The following NDST4 variants were observed in gnomAD, a reference collection of about 807,000 sequenced individuals.
The protein encoded by NDST4 is N-heparan sulfate sulfotransferase 4.
A neutral mutation model predicts 100.8 loss-of-function variants in NDST4; 63 were observed. That is an observed-to-expected ratio of 0.62 (90% CI 0.51 to 0.77). The LOEUF (loss-of-function observed/expected upper bound fraction) is 0.77. NDST4 is among the 30% of genes least tolerant of loss of function. The probability of loss-of-function intolerance (pLI) is 0.00; values close to 1 mark genes in which losing one functional copy is unlikely to be tolerated. For missense variants in NDST4, 943 were observed against 1,018.4 expected (o/e 0.93, Z 1.01); for synonymous variants, 377 against 361.8 (o/e 1.04, Z -0.48).
intron 10 of NDST4, among the ~76,000 whole-genome samples, chr4:114,844,778 A>G (rs1723507013): frequency 6.6e-6 from 1 of 152,212 alleles, no homozygotes; most frequent in South Asian, 2.1e-4. Flanking sequence ...GTCAATGAAC[A>G]CTTTCCTCTT....
intron 2 of NDST4, among the ~76,000 whole-genome samples, chr4:115,022,204 C>G (rs947041696): frequency 4.6e-5 from 7 of 151,572 alleles, no homozygotes; most frequent in Non-Finnish European, 1.0e-4. Context: ...ATACACGTTC[C>G]ACGTCTATGC....
In NDST4 at chr4:114,830,693, T is replaced by C. The variant is rs116296258; in HGVS notation, c.2397-801A>G. ...ACCAAATAGGAAGGGAAATTTTAAGTTCATTACTATGGGACTTGCTGCATG... is the reference window on the plus strand; with the variant it reads ...ACCAAATAGGAAGGGAAATTTTAAGCTCATTACTATGGGACTTGCTGCATG... On this transcript the variant is annotated intron_variant, in intron 12 of 13. Coordinates refer to ENST00000264363, the MANE Select transcript of NDST4 (RefSeq NM_022569.3). Among the ~76,000 whole-genome samples the C allele has an allele frequency of 9.5e-3, 1,440 of 152,340 alleles. 22 individuals are homozygous for C. Among genetic ancestry groups the C allele is most frequent in the African/African-American group, 0.033 (1,367 of 41,582 alleles).
intron 4 of NDST4, among the ~76,000 whole-genome samples, chr4:114,953,545 C>T (rs1252337331): frequency 2.6e-5 from 4 of 152,034 alleles, no homozygotes; most frequent in African/African-American, 9.7e-5. Flanking sequence ...ATCAGGAGCA[C>T]AGTGCAGTGA....
intron 2 of NDST4, among the ~76,000 whole-genome samples, chr4:115,023,916 A>G (rs987430394): frequency 1.3e-5 from 2 of 152,138 alleles, no homozygotes; most frequent in Non-Finnish European, 2.9e-5. Context: ...TGCGATGGTC[A>G]TCTGTACTCT....
At position 114,887,474 on chromosome 4, in the gene NDST4, A is replaced by C. The variant is rs1724504213; in HGVS notation, c.1537-16524T>G. Among the ~76,000 whole-genome samples the C allele has an allele frequency of 2.6e-5, 4 of 152,190 alleles. No homozygotes were observed. In the South Asian group the frequency reaches 8.3e-4, roughly 31 times the overall value. ...ATGTCTGCCTGGTCATACATCTATA[A>C]GTTTCAGTGCTGAGTTTTTGATTAA... On this transcript the variant is annotated intron_variant, in intron 6 of 13. Coordinates refer to ENST00000264363, the MANE Select transcript of NDST4 (RefSeq NM_022569.3).
At chr4:115,070,506 C>T (rs1404708178) in intron 2 of NDST4, among the ~76,000 whole-genome samples, 2 of 151,970 alleles carry the variant, frequency 1.3e-5, no homozygotes, top group African/African-American at 2.4e-5. Flanking sequence ...AATATTTCAC[C>T]ATCTTTAAAA....
chr4:114,840,832 T>C (rs370917801), intron 10 of NDST4, among the ~76,000 whole-genome samples: 3 of 152,110 alleles, frequency 2.0e-5, no homozygotes, highest in East Asian at 3.8e-4. Context: ...GAGTTAGAAA[T>C]AAAAATAACT....
At chr4:114,975,022 G>A (rs955617040) in intron 3 of NDST4, among the ~76,000 whole-genome samples, 1 of 152,066 alleles carries the variant, frequency 6.6e-6, no homozygotes, top group African/African-American at 2.4e-5. Flanking sequence ...AAGTGCACAT[G>A]TAAGGAATGC....
chr4:114,900,471 T>C (rs554775747), intron 6 of NDST4, among the ~76,000 whole-genome samples: 39 of 152,290 alleles, frequency 2.6e-4, no homozygotes, highest in Admixed American at 3.9e-4. Context: ...CAATGGACTA[T>C]GTATACAAGG....
At chr4:115,080,203 C>G (rs897521747) in intron 1 of NDST4, among the ~76,000 whole-genome samples, 4 of 152,138 alleles carry the variant, frequency 2.6e-5, no homozygotes, top group African/African-American at 9.7e-5. Context: ...GTGGCCTGAT[C>G]TGGGCTCACT....
intron 6 of NDST4, among the ~76,000 whole-genome samples, chr4:114,933,865 C>T (rs985238063): frequency 6.6e-6 from 1 of 151,900 alleles, no homozygotes; most frequent in Non-Finnish European, 1.5e-5. Flanking sequence ...ACAAAGTTGG[C>T]GAGGATGTGG....
chr4:114,915,370 C>T (rs901481481), intron 6 of NDST4, among the ~76,000 whole-genome samples: 1 of 152,188 alleles, frequency 6.6e-6, no homozygotes, highest in East Asian at 1.9e-4. Context: ...CCACTTACAC[C>T]AGGTAGGATG....
intron 6 of NDST4, among the ~76,000 whole-genome samples, chr4:114,911,959 G>A (rs570574437): frequency 6.6e-6 from 1 of 152,260 alleles, no homozygotes; most frequent in East Asian, 1.9e-4. Flanking sequence ...AGAGGGGGAA[G>A]TTTATAGGCA....
At chr4:114,833,787 C>T (rs1723253924) in intron 11 of NDST4, 72 bp from the exon 12 acceptor site, 1 of 894,256 alleles carries the variant, frequency 1.1e-6, no homozygotes, top group Non-Finnish European at 1.8e-6. Flanking sequence ...CTTCCTTTAC[C>T]TGGTGTGACA....
At position 115,076,438 on chromosome 4, in the gene NDST4, G is replaced by A. The variant is rs754955844; in HGVS notation, c.599C>T (p.Pro200Leu). 1.9e-6 allele frequency: 3 copies of A among 1,613,990 alleles called. No homozygotes were observed. The highest frequency in any genetic ancestry group is 1.1e-5 in the South Asian group (1 of 91,076). ...GGGGGCTTTGGTAATATGCAGCAAAGGAGATTGAGGGTTAACAAAACAGTC... is the reference window on the plus strand; with the variant it reads ...GGGGGCTTTGGTAATATGCAGCAAAAGAGATTGAGGGTTAACAAAACAGTC... ...LKDCFVNPQSPLLHITKAPKV... is the reference protein window; with the variant it reads ...LKDCFVNPQSLLLHITKAPKV... The change falls in exon 2 of 14, where the codon CCT (proline) becomes CTT (leucine). Residue 200 changes from proline to leucine, a missense_variant. Pro to Leu is a moderately conservative substitution (Grantham distance 98, BLOSUM62 -3). This residue lies in a region of NDST4 where 417 missense variants were observed against 384.2 expected (regional missense o/e 1.09). Transcript: ENST00000264363.
intron 2 of NDST4, among the ~76,000 whole-genome samples, chr4:115,051,740 T>C (rs1306169744): frequency 6.6e-6 from 1 of 150,688 alleles, no homozygotes; most frequent in Non-Finnish European, 1.5e-5. Flanking sequence ...AGATATCTTT[T>C]CAATAGTTGA....
At chr4:114,917,196 C>T (rs774163529) in intron 6 of NDST4, among the ~76,000 whole-genome samples, 11 of 151,998 alleles carry the variant, frequency 7.2e-5, no homozygotes, top group Non-Finnish European at 1.0e-4. Context: ...TTGTTATATT[C>T]GTATTGTTCC....
chr4:114,827,943 G>C lies in NDST4; in HGVS notation c.2500-8C>G. 6.4e-7 allele frequency: 1 copy of C among 1,574,300 alleles called. No homozygotes were observed. On this transcript the variant is annotated splice_region_variant and splice_polypyrimidine_tract_variant and intron_variant, in intron 13 of 13. Transcript: ENST00000264363. ...AGAGAGGAACGTTCTAGACTGGAAA[G>C]AAAAAAAGAAGAACTTGAAAGAAGC...
At chr4:115,048,320 T>C (rs560866451) in intron 2 of NDST4, among the ~76,000 whole-genome samples, 2 of 152,190 alleles carry the variant, frequency 1.3e-5, no homozygotes, top group African/African-American at 4.8e-5. Flanking sequence ...TTTACATTTA[T>C]AAAAACAAAT....
Sources: allele counts gnomAD v4.1 joint callset (sites outside exome capture counted in the v4.1 genomes callset), GRCh38; gene constraint gnomAD v4.1.1; regional missense constraint gnomAD v4.1.1; transcripts MANE v1.5; gene names NCBI Gene and HGNC (gene_info 2026-07-23, HGNC 2026-07-21).